Variants in BAIAP2L2 observed in about 807,000 individuals in gnomAD.
The protein encoded by BAIAP2L2 is BAR/IMD domain containing adaptor protein 2 like 2, also known as BAR/IMD domain-containing adapter protein 2-like 2.
Under a neutral mutation model 60.4 loss-of-function variants are expected in BAIAP2L2, and 65 were observed. That is an observed-to-expected ratio of 1.08 (90% confidence interval 0.88 to 1.32). The LOEUF is 1.32. BAIAP2L2 is among the 40% of genes most tolerant of loss of function. BAIAP2L2 has a pLI of 0.00. For missense variants in BAIAP2L2, 836 were observed against 741.2 expected, an observed-to-expected ratio of 1.13 and a Z score of -1.48; for synonymous variants, 344 against 301.7, an observed-to-expected ratio of 1.14 and a Z score of -1.45.
At chr22:38,094,082 T>C in intron 7 of BAIAP2L2, 3 of 445,034 alleles carry the variant, frequency 6.7e-6, no homozygotes. Context: ...TGATTCTGTT[T>C]ATATGAAATG....
At chr22:38,085,636 G>A (rs13058731) in intron 13 of BAIAP2L2, 50 bp downstream of exon 13, 35,458 of 1,586,200 alleles carry the variant, frequency 0.022, 698 homozygotes, top group African/African-American at 0.085. Flanking sequence ...AGTGTGTGCC[G>A]CCGCACCTGC....
At chr22:38,089,488 G>T (rs2086225179) in intron 8 of BAIAP2L2, 34 bp downstream of exon 8, 3 of 1,171,398 alleles carry the variant, frequency 2.6e-6, no homozygotes, top group African/African-American at 1.6e-5. Flanking sequence ...GGCGGCGGGG[G>T]CGCGAACGGC....
chr22:38,098,021 A>ACAGG, intron 6 of BAIAP2L2, 42 bp downstream of exon 6: 2 of 588,208 alleles, frequency 3.4e-6, no homozygotes, highest in Non-Finnish European at 6.2e-6. Flanking sequence ...AGGTCTGCCC[A>ACAGG]CCCGCCCTTC....
intron 12 of BAIAP2L2, 43 bp downstream of exon 12, chr22:38,086,199 C>T (rs1475709883): frequency 6.3e-7 from 1 of 1,583,886 alleles, no homozygotes; most frequent in Non-Finnish European, 8.6e-7. Context: ...CTCCTGCCTC[C>T]CTGCCCGCTG....
At position 38,085,284 on chromosome 22, in the gene BAIAP2L2, G is replaced by A. The variant is rs149310622; in HGVS notation, c.*16C>T. 6.3e-4 allele frequency: 1,016 copies of A among 1,612,956 alleles called. 9 individuals are homozygous for A. In the East Asian group the frequency reaches 0.018, roughly 28 times the overall value. ...CCTGGGCAGGTGCACTGTGGGGTAC[G>A]ACCTCGGACCCCGCCTCAGCGGATG... On this transcript the variant is annotated 3_prime_UTR_variant, in exon 14 of 14. Coordinates refer to ENST00000381669, the MANE Select transcript of BAIAP2L2 (RefSeq NM_025045.6).
At chr22:38,101,596 G>A (rs1484840481) in intron 4 of BAIAP2L2, among the ~76,000 whole-genome samples, 1 of 140,536 alleles carries the variant, frequency 7.1e-6, no homozygotes, top group East Asian at 2.1e-4. Context: ...GCTCATGCCT[G>A]TAATCACAGC....
Position 38,086,357 on chromosome 22 carries a change from G to A in BAIAP2L2, c.1352C>T (p.Ser451Phe), listed in dbSNP as rs1157750111. ...CACCCGGCTTGGGGTGCGGGAGCGG[G>A]ACTGGCCATCCCAGTACTCCGAGGG... The part of the protein sequence containing the change: ...IAPSEYWDGQ[S>F]RSRTPSRVPS... The change falls in exon 12 of 14, where the codon TCC (serine) becomes TTC (phenylalanine). Residue 451 changes from serine (S) to phenylalanine (F), a missense_variant. Coordinates refer to ENST00000381669, the MANE Select transcript of BAIAP2L2 (RefSeq NM_025045.6). The A allele has an allele frequency of 2.6e-6, 2 of 773,814 alleles. No individual in the cohort carries two copies. The highest frequency in any genetic ancestry group is 1.6e-5 in the African/African-American group (1 of 63,010). The allele number at this position is 773,814 out of a possible 1,614,324, so 47.9% of individuals were successfully genotyped here.
chr22:38,086,538 G>T, intron 11 of BAIAP2L2, 89 bp from the exon 12 acceptor site: 2 of 1,021,008 alleles, frequency 2.0e-6, no homozygotes, highest in Non-Finnish European at 2.8e-6. Context: ...TTAGGCAGGA[G>T]GCATCCGACA....
At chr22:38,085,989 G>A (rs560195895) in intron 12 of BAIAP2L2, among the ~76,000 whole-genome samples, 11 of 152,290 alleles carry the variant, frequency 7.2e-5, no homozygotes, top group Admixed American at 3.3e-4. Flanking sequence ...TGGCTCCATC[G>A]GAGATGCCCT....
At chr22:38,110,408 G>A in intron 1 of BAIAP2L2, 67 bp downstream of exon 1, 1 of 1,502,042 alleles carries the variant, frequency 6.7e-7, no homozygotes, top group Non-Finnish European at 9.2e-7. Flanking sequence ...CCGTCCTCCA[G>A]AGCGGGCCTG....
rs372611000 is a variant in BAIAP2L2, at chr22:38,110,573, T to C, written c.-48A>G. On this transcript the variant is annotated 5_prime_UTR_variant, in exon 1 of 14. Transcript: ENST00000381669. ...GCAGGAGGCTGGGAGCTGGTGGCGA[T>C]GGCACAGCCGGGAGCAGTGGTAGGT... The C allele has an allele frequency of 2.2e-5, 34 of 1,540,012 alleles. No homozygotes were observed. In the African/African-American group the frequency reaches 3.6e-4, roughly 16 times the overall value.
At chr22:38,098,032 C>CA in intron 6 of BAIAP2L2, 31 bp downstream of exon 6, 17 of 1,429,490 alleles carry the variant, frequency 1.2e-5, no homozygotes, top group East Asian at 2.3e-5. Context: ...CCCGCCCTTC[C>CA]TGGCCCACCC....
intron 4 of BAIAP2L2, among the ~76,000 whole-genome samples, chr22:38,103,168 A>G (rs556639379): frequency 1.3e-5 from 2 of 152,248 alleles, no homozygotes; most frequent in African/African-American, 4.8e-5. Context: ...ATGAGCTATG[A>G]TTGTACCACT....
At chr22:38,087,639 A>G (rs1813633484) in intron 10 of BAIAP2L2, among the ~76,000 whole-genome samples, 1 of 151,898 alleles carries the variant, frequency 6.6e-6, no homozygotes. Context: ...TGGCGTTCTC[A>G]GTCATCTCTC....
At chr22:38,106,409 G>A (rs1188153711) in intron 4 of BAIAP2L2, among the ~76,000 whole-genome samples, 1 of 151,646 alleles carries the variant, frequency 6.6e-6, no homozygotes, top group African/African-American at 2.4e-5. Flanking sequence ...AATCCCAGCC[G>A]CTCGGGAGGC....
intron 4 of BAIAP2L2, among the ~76,000 whole-genome samples, chr22:38,101,710 C>A (rs762728651): frequency 1.3e-5 from 2 of 151,864 alleles, no homozygotes; most frequent in Non-Finnish European, 2.9e-5. Flanking sequence ...ATAAATTAGC[C>A]GAGCATGGTG....
chr22:38,088,728 C>G lies in BAIAP2L2; in HGVS notation c.1118+20G>C, dbSNP rs1244684332. On this transcript the variant is annotated intron_variant, in intron 10 of 13. Transcript: ENST00000381669. ...CCTTCTTCTCAACCCACCCCCGGCC[C>G]CTCCAAGGCTCCCACTCACGCGGAC... The G allele has an allele frequency of 2.0e-6, 3 of 1,531,726 alleles. No homozygotes were observed. Among genetic ancestry groups the G allele is most frequent in the Admixed American group, 3.5e-5 (2 of 57,620 alleles). 94.9% of individuals were successfully genotyped at this position (1,531,726 alleles called of 1,614,324 possible). A position where few individuals can be genotyped will look rare whatever the true frequency, so the allele number is the denominator to read the frequency against.
At chr22:38,110,125 G>GAGAC (rs2086800052) in intron 1 of BAIAP2L2, among the ~76,000 whole-genome samples, 2 of 42,272 alleles carry the variant, frequency 4.7e-5, no homozygotes, top group African/African-American at 2.8e-4. Flanking sequence ...GAGAGGGAGA[G>GAGAC]AGAGAGAGAG....
chr22:38,088,611 G>A (rs2086171446), intron 10 of BAIAP2L2, 137 bp downstream of exon 10: 2 of 826,868 alleles, frequency 2.4e-6, no homozygotes, highest in East Asian at 2.9e-5. Context: ...GCAGGGTGCG[G>A]GGGTCGGGAG....
Sources: gnomAD v4.1 joint callset for allele counts (sites outside exome capture counted in the v4.1 genomes callset) on GRCh38, gnomAD v4.1.1 for gene constraint, MANE v1.5 for transcripts, NCBI Gene and HGNC (gene_info 2026-07-23, HGNC 2026-07-21) for gene names.